Variants in FRRS1 observed in about 807,000 individuals in gnomAD.
FRRS1 encodes the protein ferric reductase 1.
In FRRS1, 51 loss-of-function variants were observed where a neutral mutation model predicts 70.7. The ratio of observed to expected loss-of-function variants is 0.72; its 90% CI spans 0.58 to 0.91. The LOEUF (loss-of-function observed/expected upper bound fraction) is 0.91. Among genes scored for constraint, FRRS1 ranks in the 40% least tolerant of loss-of-function variants. The probability of loss-of-function intolerance (pLI) is 0.00; values close to 1 mark genes in which losing one functional copy is unlikely to be tolerated. For missense variants in FRRS1, 672 were observed against 726.0 expected (o/e 0.93, Z 0.86); for synonymous variants, 225 against 238.7 (o/e 0.94, Z 0.53).
At chr1:99,748,407 C>A in intron 3 of FRRS1, 166 bp downstream of exon 3, 1 of 596,370 alleles carries the variant, frequency 1.7e-6, no homozygotes. Context: ...AATACACAGA[C>A]TACTTAAGTA....
At chr1:99,758,260 A>G (rs1460691826) in intron 1 of FRRS1, among the ~76,000 whole-genome samples, 1 of 152,258 alleles carries the variant, frequency 6.6e-6, no homozygotes, top group Admixed American at 6.5e-5. Context: ...TGCATGACTC[A>G]GCTTTCAGCT....
At position 99,707,502 on chromosome 1, in the gene FRRS1, T is replaced by C. The variant is rs1483054783; in HGVS notation, c.*1526A>G. 1.3e-5 allele frequency among the ~76,000 whole-genome samples: 2 copies of C among 152,158 alleles called. No homozygotes were observed. Among genetic ancestry groups the C allele is most frequent in the East Asian group, 3.8e-4 (2 of 5,198 alleles). On this transcript the variant is annotated 3_prime_UTR_variant, in exon 17 of 17. Coordinates refer to ENST00000646001, the MANE Select transcript of FRRS1 (RefSeq NM_001361041.2). ...GGGTCAGGGGACTTGTAAAAACAAATATCAATTATTATAAATAATCACAGA... is the reference window on the plus strand; with the variant it reads ...GGGTCAGGGGACTTGTAAAAACAAACATCAATTATTATAAATAATCACAGA...
At chr1:99,738,918 C>T (rs993573873) in intron 6 of FRRS1, among the ~76,000 whole-genome samples, 4 of 151,804 alleles carry the variant, frequency 2.6e-5, no homozygotes, top group African/African-American at 9.7e-5. Context: ...GAATATAAGA[C>T]GAAGAGTCTT....
At chr1:99,743,856 G>A (rs942767102) in intron 4 of FRRS1, among the ~76,000 whole-genome samples, 11 of 151,996 alleles carry the variant, frequency 7.2e-5, no homozygotes, top group African/African-American at 2.2e-4. Context: ...AGCTTTTATC[G>A]TGTTTTGTGC....
intron 15 of FRRS1, 55 bp from the exon 16 acceptor site, chr1:99,709,314 AT>A (rs202109647): frequency 2.1e-5 from 28 of 1,316,260 alleles, no homozygotes; most frequent in African/African-American, 3.0e-5. Flanking sequence ...GGTAAATTAA[AT>A]TTTTTAAAAA....
intron 1 of FRRS1, among the ~76,000 whole-genome samples, chr1:99,763,621 C>A (rs1429334700): frequency 6.6e-6 from 1 of 152,114 alleles, no homozygotes; most frequent in Admixed American, 6.5e-5. Flanking sequence ...GTAATCCCAG[C>A]ACTTTGGGAG....
At chr1:99,748,526 T>G in intron 3 of FRRS1, 47 bp downstream of exon 3, 1 of 1,366,144 alleles carries the variant, frequency 7.3e-7, no homozygotes, top group Non-Finnish European at 1.0e-6. Context: ...CAATAAACAG[T>G]AAAAGAGTGA....
rs1654051671 is a variant in FRRS1, at chr1:99,706,910, A to AT, written c.*2117dup. On this transcript the variant is annotated 3_prime_UTR_variant, in exon 17 of 17. Transcript: ENST00000646001. ...TTGTCACAAAAAAAAAAAAGAGAGAATTTTTCTTTGTCAGATGTAGAATAT... is the reference window on the plus strand; with the variant it reads ...TTGTCACAAAAAAAAAAAAGAGAGAATTTTTTCTTTGTCAGATGTAGAATAT... Among the ~76,000 whole-genome samples the AT allele has an allele frequency of 6.6e-6, 1 of 152,020 alleles. No homozygotes were observed. Among genetic ancestry groups the AT allele is most frequent in the African/African-American group, 2.4e-5 (1 of 41,378 alleles).
Position 99,742,188 on chromosome 1 carries a change from G to A in FRRS1, c.419C>T (p.Thr140Ile). The change falls in exon 5 of 17, where the codon ACA becomes ATA. Residue 140 changes from threonine to isoleucine, a missense_variant. By Grantham distance (89) the Thr-to-Ile change is moderately conservative. Transcript: ENST00000646001. Reference sequence around the variant, plus strand: ...AAACTCTTATACTCACAGAAACTGTGTGTGATTTGGAGCACTGCTTGGAGC... The same window carrying A: ...AAACTCTTATACTCACAGAAACTGTATGTGATTTGGAGCACTGCTTGGAGC... ...WNAPSSAPNH[T>I]QFLVTVVEKY... The A allele has an allele frequency of 1.9e-6, 3 of 1,597,478 alleles. No individual in the cohort carries two copies. Among genetic ancestry groups the A allele is most frequent in the African/African-American group, 1.3e-5 (1 of 74,730 alleles).
chr1:99,712,442 A>G lies in FRRS1; in HGVS notation c.1397T>C (p.Phe466Ser), dbSNP rs113396893. The G allele has an allele frequency of 6.2e-7, 1 of 1,612,858 alleles. No individual in the cohort carries two copies. The highest frequency in any genetic ancestry group is 1.1e-5 in the South Asian group (1 of 90,906). ...LAVLQPLLAV[F>S]RPPLHDPRRQ... ...CCTTGGGTCATGTAAAGGTGGCCTG[A>G]AGACTGCCAGAAGAGGCTGAAGAAC... Residue 466 changes from phenylalanine (F) to serine (S), a missense_variant, in exon 13 of 17, where the codon TTC (phenylalanine) becomes TCC (serine). Physicochemically the swap from Phe to Ser is radical, Grantham distance 155 (BLOSUM62 -2). Coordinates refer to ENST00000646001, the MANE Select transcript of FRRS1 (RefSeq NM_001361041.2).
intron 1 of FRRS1, among the ~76,000 whole-genome samples, chr1:99,752,691 A>G (rs10783118): frequency 0.49 from 75,180 of 152,086 alleles, 22,601 homozygotes; most frequent in African/African-American, 0.85. Context: ...TGGGAGGATC[A>G]CTTGAGCCCA....
chr1:99,729,821 T>G, intron 7 of FRRS1, 73 bp from the exon 8 acceptor site: 1 of 967,568 alleles, frequency 1.0e-6, no homozygotes, highest in Non-Finnish European at 1.6e-6. Flanking sequence ...TTTAAAAAAG[T>G]ACATCAGGAA....
chr1:99,754,340 G>T lies in FRRS1; in HGVS notation c.-105-5339C>A, dbSNP rs150695441. ...TAAGTAAGTAAATAAATAGTTGGGT[G>T]CAGTGGACTACACAAGTAGTCTCAG... On this transcript the variant is annotated intron_variant, in intron 1 of 16. Coordinates refer to ENST00000646001, the MANE Select transcript of FRRS1 (RefSeq NM_001361041.2). Among the ~76,000 whole-genome samples, 248 of 152,294 alleles carry T rather than the reference G, an allele frequency of 1.6e-3. 1 individual carries two copies. The highest frequency in any genetic ancestry group is 5.4e-3 in the African/African-American group (225 of 41,570).
At chr1:99,739,261 C>A (rs4626908) in intron 6 of FRRS1, among the ~76,000 whole-genome samples, 75,168 of 152,114 alleles carry the variant, frequency 0.49, 22,579 homozygotes, top group African/African-American at 0.85. Context: ...CTGAATGAAC[C>A]TCCCTATAAT....
At chr1:99,746,003 G>GTA (rs34957574) in intron 4 of FRRS1, among the ~76,000 whole-genome samples, 74,701 of 151,622 alleles carry the variant, frequency 0.49, 22,352 homozygotes, top group African/African-American at 0.85. Flanking sequence ...CAGAAGCTGA[G>GTA]CAGATGCCAG....
chr1:99,726,341 C>T (rs1356678138), intron 9 of FRRS1, among the ~76,000 whole-genome samples: 1 of 152,140 alleles, frequency 6.6e-6, no homozygotes, highest in African/African-American at 2.4e-5. Context: ...TACCCAGTCT[C>T]GGGTAGTTCT....
intron 1 of FRRS1, among the ~76,000 whole-genome samples, chr1:99,760,538 ACAAT>A (rs1209529988): frequency 7.9e-5 from 12 of 152,376 alleles, no homozygotes; most frequent in South Asian, 6.2e-4. Flanking sequence ...TTTTAAATTA[ACAAT>A]CAGAGTTATG....
intron 4 of FRRS1, among the ~76,000 whole-genome samples, chr1:99,744,356 G>T (rs1332205675): frequency 1.3e-5 from 2 of 152,190 alleles, no homozygotes; most frequent in Non-Finnish European, 2.9e-5. Flanking sequence ...TAGAATAAAA[G>T]TTTGGCTTTT....
At chr1:99,725,911 A>C (rs1171189569) in intron 9 of FRRS1, among the ~76,000 whole-genome samples, 1 of 152,246 alleles carries the variant, frequency 6.6e-6, no homozygotes, top group African/African-American at 2.4e-5. Context: ...AACTTTAAAA[A>C]GTATAAACCA....
Sources: allele counts gnomAD v4.1 joint callset (sites outside exome capture counted in the v4.1 genomes callset), GRCh38; gene constraint gnomAD v4.1.1; transcripts MANE v1.5; gene names NCBI Gene and HGNC (gene_info 2026-07-23, HGNC 2026-07-21).